SUSD4: variants seen among roughly 807,000 people sequenced by gnomAD.
SUSD4 encodes the protein sushi domain-containing protein 4.
A neutral mutation model predicts 50.5 loss-of-function variants in SUSD4; 41 were observed. That is an observed-to-expected ratio of 0.81 (90% CI 0.63 to 1.05). The LOEUF is 1.05. Among genes scored for constraint, SUSD4 ranks in the 50% least tolerant of loss-of-function variants. The pLI, the probability that SUSD4 is intolerant of heterozygous loss-of-function variation, is 0.00. For synonymous variants in SUSD4, 257 were observed against 257.3 expected (o/e 1.00, Z 0.01); for missense variants, 580 against 634.7 (o/e 0.91, Z 0.93).
chr1:223,337,823 GA>G (rs1667542733), intron 2 of SUSD4, among the ~76,000 whole-genome samples: 4 of 152,314 alleles, frequency 2.6e-5, no homozygotes, highest in Middle Eastern at 6.8e-3. Flanking sequence ...GGGAGGCTTA[GA>G]GGGAGAAAAT....
intron 2 of SUSD4, among the ~76,000 whole-genome samples, chr1:223,317,851 C>CCTTTTTTTTTTTTTTTTTTTTTTT (rs1558245056): frequency 9.9e-6 from 1 of 100,734 alleles, no homozygotes; most frequent in Admixed American, 1.2e-4. Flanking sequence ...TTTTTTTTTT[C>CCTTTTTTTTTTTTTTTTTTTTTTT]TTTTTTTTTT....
chr1:223,292,326 C>T, intron 3 of SUSD4, 113 bp downstream of exon 3: 1 of 1,143,438 alleles, frequency 8.7e-7, no homozygotes, highest in Non-Finnish European at 1.3e-6. Flanking sequence ...GCAGGTGCAG[C>T]CCTGCATCAG....
intron 2 of SUSD4, among the ~76,000 whole-genome samples, chr1:223,310,000 T>C (rs531672041): frequency 6.6e-6 from 1 of 152,324 alleles, no homozygotes; most frequent in East Asian, 1.9e-4. Context: ...TGCCTGGGAC[T>C]GGCAGGTGGG....
chr1:223,233,330 G>A (rs186443269), intron 5 of SUSD4, among the ~76,000 whole-genome samples: 27 of 152,290 alleles, frequency 1.8e-4, no homozygotes, highest in African/African-American at 5.5e-4. Flanking sequence ...AGGGTAGGGG[G>A]TGGGAGCGTT....
At chr1:223,300,467 A>G (rs1237822709) in intron 2 of SUSD4, among the ~76,000 whole-genome samples, 1 of 152,212 alleles carries the variant, frequency 6.6e-6, no homozygotes, top group South Asian at 2.1e-4. Flanking sequence ...TGTGAGCAAC[A>G]TAAGAAGTCT....
At chr1:223,314,911 G>A (rs1572041074) in intron 2 of SUSD4, among the ~76,000 whole-genome samples, 1 of 152,174 alleles carries the variant, frequency 6.6e-6, no homozygotes, top group African/African-American at 2.4e-5. Flanking sequence ...TGTCTGATGA[G>A]ATCTCTATCT....
intron 2 of SUSD4, among the ~76,000 whole-genome samples, chr1:223,319,059 T>A (rs2103239506): frequency 2.3e-5 from 1 of 43,692 alleles, no homozygotes; most frequent in South Asian, 8.1e-4. Context: ...GGGGAAAGGA[T>A]TCCCTATTTA....
chr1:223,339,858 A>G (rs1263171743), intron 2 of SUSD4, among the ~76,000 whole-genome samples: 1 of 152,148 alleles, frequency 6.6e-6, no homozygotes, highest in Non-Finnish European at 1.5e-5. Flanking sequence ...AGGCCCACCG[A>G]CCACTTTTCC....
chr1:223,268,399 C>G (rs1216956497), intron 4 of SUSD4, 103 bp downstream of exon 4: 6 of 1,429,964 alleles, frequency 4.2e-6, no homozygotes, highest in Non-Finnish European at 9.3e-7. Flanking sequence ...TTGTTCATTT[C>G]GCCCATCATC....
chr1:223,353,056 T>G (rs1668454508), intron 2 of SUSD4, among the ~76,000 whole-genome samples: 1 of 152,196 alleles, frequency 6.6e-6, no homozygotes, highest in African/African-American at 2.4e-5. Flanking sequence ...CAAAAGGAGC[T>G]GACCGGGCTT....
Position 223,221,677 on chromosome 1 carries a change from G to A in SUSD4, c.*515C>T, listed in dbSNP as rs1659142936. On this transcript the variant is annotated 3_prime_UTR_variant, in exon 9 of 9. Transcript: ENST00000366878. ...TCACACAAGGACCTTTCCTTTGGGA[G>A]CTGGTCCCTTGCTGAGGGTGCAGGA... 1 of 154,432 alleles carries A rather than the reference G, an allele frequency of 6.5e-6. No individual in the cohort carries two copies. The allele number at this position is 154,432 out of a possible 1,614,324, so 9.6% of individuals were successfully genotyped here.
intron 3 of SUSD4, among the ~76,000 whole-genome samples, chr1:223,270,141 G>A (rs1306226099): frequency 1.3e-5 from 2 of 152,190 alleles, no homozygotes; most frequent in African/African-American, 4.8e-5. Flanking sequence ...CAAGTTAGAG[G>A]AGAGCTTGGC....
At chr1:223,358,502 T>C (rs1037976092) in intron 2 of SUSD4, among the ~76,000 whole-genome samples, 1 of 152,210 alleles carries the variant, frequency 6.6e-6, no homozygotes, top group Non-Finnish European at 1.5e-5. Context: ...GCAAGCCTCG[T>C]TGGTCTTTTG....
At chr1:223,329,791 T>A (rs1286835910) in intron 2 of SUSD4, among the ~76,000 whole-genome samples, 1 of 151,758 alleles carries the variant, frequency 6.6e-6, no homozygotes, top group South Asian at 2.1e-4. Context: ...GATGAACAGA[T>A]AGAGAGATGA....
At chr1:223,260,692 CTT>C (rs1214209933) in intron 5 of SUSD4, among the ~76,000 whole-genome samples, 2 of 152,178 alleles carry the variant, frequency 1.3e-5, no homozygotes, top group African/African-American at 2.4e-5. Flanking sequence ...ATTTTGGGTG[CTT>C]TATCTGACAA....
At chr1:223,317,851 C>CCTT (rs1558245056) in intron 2 of SUSD4, among the ~76,000 whole-genome samples, 3 of 100,734 alleles carry the variant, frequency 3.0e-5, no homozygotes, top group African/African-American at 3.7e-5. Context: ...TTTTTTTTTT[C>CCTT]TTTTTTTTTT....
intron 3 of SUSD4, among the ~76,000 whole-genome samples, chr1:223,285,146 T>C (rs1387134734): frequency 6.6e-6 from 1 of 152,140 alleles, no homozygotes; most frequent in African/African-American, 2.4e-5. Flanking sequence ...TATATGCCAA[T>C]TTAAAAAATA....
intron 7 of SUSD4, among the ~76,000 whole-genome samples, chr1:223,225,568 T>C (rs1468446622): frequency 1.3e-5 from 2 of 150,452 alleles, no homozygotes; most frequent in Non-Finnish European, 2.9e-5. Context: ...CCACCAGTAG[T>C]TACTGCTTAC....
chr1:223,262,795 AAAAAAAC>A (rs958649314), intron 5 of SUSD4, among the ~76,000 whole-genome samples: 11 of 152,094 alleles, frequency 7.2e-5, no homozygotes, highest in Admixed American at 5.2e-4. Flanking sequence ...AAACCTTATT[AAAAAAAC>A]AAAAACCCTA....
Sources: allele counts gnomAD v4.1 joint callset (sites outside exome capture counted in the v4.1 genomes callset), GRCh38; gene constraint gnomAD v4.1.1; transcripts MANE v1.5; gene names NCBI Gene and HGNC (gene_info 2026-07-23, HGNC 2026-07-21).